KLHL29: variants seen among roughly 807,000 people sequenced by gnomAD.
KLHL29 encodes kelch-like protein 29.
In KLHL29, 21 loss-of-function variants were observed where a neutral mutation model predicts 80.4. That is an observed-to-expected ratio of 0.26 (90% CI 0.19 to 0.38). The LOEUF (loss-of-function observed/expected upper bound fraction) is 0.38, where lower values mean the gene tolerates loss of function less well. KLHL29 is among the 10% of genes least tolerant of loss of function. KLHL29 has a pLI of 1.00. For synonymous variants in KLHL29, 511 were observed against 526.8 expected (o/e 0.97, Z 0.41); for missense variants, 867 against 1,223.9 (o/e 0.71, Z 4.35).
In KLHL29 at chr2:23,647,554, C is replaced by T. The variant is rs1342730927; in HGVS notation, c.940+4704C>T. Among the ~76,000 whole-genome samples the T allele has an allele frequency of 1.3e-5, 2 of 152,178 alleles. No homozygotes were observed. The highest frequency in any genetic ancestry group is 4.8e-5 in the African/African-American group (2 of 41,432). ...CCTCTGCTCTTCTGTACCCCCACCA[C>T]CCCACCATCAGGCCACCGTCACCTC... On this transcript the variant is annotated intron_variant, in intron 5 of 13. Coordinates refer to ENST00000486442, the MANE Select transcript of KLHL29 (RefSeq NM_052920.2). The surrounding 1 kb of genome is among the most constrained non-coding windows in gnomAD (Gnocchi z 4.9).
intron 1 of KLHL29, among the ~76,000 whole-genome samples, chr2:23,466,962 G>C (rs1664370560): frequency 6.6e-6 from 1 of 152,152 alleles, no homozygotes; most frequent in Non-Finnish European, 1.5e-5. Context: ...AAGGACAGTG[G>C]CCAGAGAGTT....
At chr2:23,639,386 G>C (rs1669705373) in intron 4 of KLHL29, 106 bp downstream of exon 4, 8 of 1,073,616 alleles carry the variant, frequency 7.5e-6, no homozygotes, top group Admixed American at 3.0e-5. Context: ...TGAACCCAGG[G>C]CCTGCAGAAG....
intron 11 of KLHL29, among the ~76,000 whole-genome samples, chr2:23,698,896 T>TGAAA (rs1398654278): frequency 7.2e-5 from 11 of 152,342 alleles, no homozygotes; most frequent in East Asian, 1.9e-4. Context: ...GCCATCATAC[T>TGAAA]GAAAGACTGA....
chr2:23,504,166 G>A (rs576503121), intron 2 of KLHL29, among the ~76,000 whole-genome samples: 3 of 152,164 alleles, frequency 2.0e-5, no homozygotes, highest in African/African-American at 7.2e-5. Flanking sequence ...GTGTTCAGGG[G>A]CCAGATAAGT....
chr2:23,612,904 T>C (rs888813552), intron 3 of KLHL29, among the ~76,000 whole-genome samples: 1 of 152,122 alleles, frequency 6.6e-6, no homozygotes, highest in Non-Finnish European at 1.5e-5. Flanking sequence ...ATATCAATTG[T>C]ATACAAAGAT....
At chr2:23,509,910 T>C (rs1181079089) in intron 2 of KLHL29, among the ~76,000 whole-genome samples, 1 of 152,206 alleles carries the variant, frequency 6.6e-6, no homozygotes, top group Non-Finnish European at 1.5e-5. Context: ...ATCAGTGTAT[T>C]GTGGCGAGTA....
chr2:23,514,010 C>T (rs147159558), intron 2 of KLHL29, among the ~76,000 whole-genome samples: 109 of 152,258 alleles, frequency 7.2e-4, no homozygotes, highest in African/African-American at 2.0e-3. Context: ...CTGCTTCAAA[C>T]GCAATAAATC....
At chr2:23,633,413 A>G (rs569061996) in intron 3 of KLHL29, among the ~76,000 whole-genome samples, 3 of 152,368 alleles carry the variant, frequency 2.0e-5, no homozygotes, top group African/African-American at 4.8e-5. Flanking sequence ...GTAAGGCACA[A>G]ATGACTTTGC....
chr2:23,425,876 T>A (rs1200610324), intron 1 of KLHL29, among the ~76,000 whole-genome samples: 1 of 152,200 alleles, frequency 6.6e-6, no homozygotes, highest in Non-Finnish European at 1.5e-5. Flanking sequence ...TCTTTCTTCA[T>A]AGGGCACAAA....
intron 2 of KLHL29, among the ~76,000 whole-genome samples, chr2:23,512,758 A>G (rs1178401783): frequency 2.0e-5 from 3 of 152,238 alleles, no homozygotes; most frequent in African/African-American, 7.2e-5. Context: ...TCCCAGACTG[A>G]AATGAAGCAT....
At chr2:23,424,809 C>A (rs779233756) in intron 1 of KLHL29, among the ~76,000 whole-genome samples, 4 of 152,218 alleles carry the variant, frequency 2.6e-5, no homozygotes, top group Non-Finnish European at 4.4e-5. Flanking sequence ...CGCTTTATCT[C>A]ATCATTTAGA....
At chr2:23,599,325 G>A (rs1668509160) in intron 3 of KLHL29, among the ~76,000 whole-genome samples, 1 of 152,112 alleles carries the variant, frequency 6.6e-6, no homozygotes, top group East Asian at 1.9e-4. Context: ...TGTAGAAAAT[G>A]TCAAGGAGCT....
At chr2:23,405,162 T>C (rs1197253516) in intron 1 of KLHL29, among the ~76,000 whole-genome samples, 1 of 152,252 alleles carries the variant, frequency 6.6e-6, no homozygotes, top group East Asian at 1.9e-4. Context: ...GGCATACTTC[T>C]CTCATGCATA....
intron 1 of KLHL29, among the ~76,000 whole-genome samples, chr2:23,431,545 T>C (rs1429890920): frequency 6.6e-6 from 1 of 152,190 alleles, no homozygotes; most frequent in Non-Finnish European, 1.5e-5. Context: ...GCCGTGAACA[T>C]GGGCAGTGGG....
intron 2 of KLHL29, among the ~76,000 whole-genome samples, chr2:23,550,853 T>C (rs920882897): frequency 6.6e-6 from 1 of 152,236 alleles, no homozygotes; most frequent in Non-Finnish European, 1.5e-5. Flanking sequence ...GGGAGCTTGT[T>C]GAATTAGTCA....
chr2:23,632,541 C>T (rs998588531), intron 3 of KLHL29, among the ~76,000 whole-genome samples: 3 of 152,270 alleles, frequency 2.0e-5, no homozygotes, highest in African/African-American at 7.2e-5. Flanking sequence ...CAATGGCCTG[C>T]CCAGTGATGC....
intron 1 of KLHL29, among the ~76,000 whole-genome samples, chr2:23,410,332 G>C (rs1666833171): frequency 6.6e-6 from 1 of 152,066 alleles, no homozygotes; most frequent in Non-Finnish European, 1.5e-5. Context: ...GGCAGGCTGG[G>C]GTGGGGGGTT....
chr2:23,459,715 A>C (rs1265474300), intron 1 of KLHL29, among the ~76,000 whole-genome samples: 1 of 152,236 alleles, frequency 6.6e-6, no homozygotes, highest in Admixed American at 6.5e-5. Context: ...GTTAGTGCCC[A>C]TGCCACATCA....
intron 11 of KLHL29, among the ~76,000 whole-genome samples, chr2:23,702,464 G>A (rs775009777): frequency 8.5e-5 from 13 of 152,082 alleles, no homozygotes; most frequent in East Asian, 3.8e-4. Flanking sequence ...ATCCTAAGTC[G>A]GGGACTGTCT....
Sources: allele counts gnomAD v4.1 joint callset (sites outside exome capture counted in the v4.1 genomes callset), GRCh38; gene constraint gnomAD v4.1.1; non-coding constraint Gnocchi (gnomAD v3.1); transcripts MANE v1.5; gene names NCBI Gene and HGNC (gene_info 2026-07-23, HGNC 2026-07-21).